Variants in POLG2 observed in about 807,000 individuals in gnomAD.
POLG2 encodes the protein DNA polymerase gamma 2, accessory subunit, also known as DNA polymerase subunit gamma-2.
A neutral mutation model predicts 56.5 loss-of-function variants in POLG2; 50 were observed. The observed-to-expected ratio is 0.88, with a 90% CI of 0.71 to 1.12. The LOEUF (loss-of-function observed/expected upper bound fraction) is 1.12, where lower values mean the gene tolerates loss of function less well. Ranked by LOEUF, POLG2 falls within the 50% of genes most tolerant of loss-of-function variation. The pLI is 0.00. For synonymous variants in POLG2, 226 were observed against 222.6 expected (o/e 1.02, Z -0.14); for missense variants, 584 against 583.3 (o/e 1.00, Z -0.01).
intron 4 of POLG2, among the ~76,000 whole-genome samples, chr17:64,488,211 T>A (rs1001264737): frequency 6.1e-5 from 9 of 148,510 alleles, no homozygotes; most frequent in East Asian, 2.0e-4. Flanking sequence ...TAAATAATTT[T>A]AAAAAAAGAA....
rs2038166544 is a variant in POLG2 at position 64,497,048 on chromosome 17, G to A, written c.-80C>T. ...CCACCACTACCGTTAACAGAATCCG[G>A]AGAGGCCACGGCGCAGGCGCAACGG... On this transcript the variant is annotated 5_prime_UTR_variant, in exon 1 of 8. Coordinates refer to ENST00000539111, the MANE Select transcript of POLG2 (RefSeq NM_007215.4). 1.4e-6 allele frequency: 2 copies of A among 1,419,376 alleles called. No individual in the cohort carries two copies. The highest frequency in any genetic ancestry group is 2.0e-6 in the Non-Finnish European group (2 of 1,018,936). The allele number at this position is 1,419,376 out of a possible 1,614,324, so 87.9% of individuals were successfully genotyped here.
In POLG2 at chr17:64,483,252, G is replaced by T. The variant is rs535171118; in HGVS notation, c.1111-253C>A. 3.9e-5 allele frequency among the ~76,000 whole-genome samples: 6 copies of T among 152,264 alleles called. No individual in the cohort carries two copies. In the South Asian group the frequency reaches 1.2e-3, roughly 32 times the overall value. ...AATTTGGCCAGGCATGGTGGTACATGCCTATAATTCCAGCACTTTGGGAGG... is the reference window on the plus strand; with the variant it reads ...AATTTGGCCAGGCATGGTGGTACATTCCTATAATTCCAGCACTTTGGGAGG... On this transcript the variant is annotated intron_variant, in intron 5 of 7. Transcript: ENST00000539111.
At chr17:64,494,581 C>T (rs1342821327) in intron 1 of POLG2, among the ~76,000 whole-genome samples, 1 of 152,062 alleles carries the variant, frequency 6.6e-6, no homozygotes, top group African/African-American at 2.4e-5. Context: ...ACCTCTTCCC[C>T]CCGCCCCCGA....
chr17:64,492,944 A>G lies in POLG2; in HGVS notation c.640T>C (p.Cys214Arg), dbSNP rs1568090674. ...LPYGLAQIGV[C>R]FHPVFDTKQI... ...TTAGTGTCAAAAACAGGATGAAAAC[A>G]CACTCCAATCTGAGCAAGGCCATAA... The change falls in exon 2 of 8, where the codon TGT (cysteine) becomes CGT (arginine). Residue 214 changes from cysteine (C) to arginine (R), a missense_variant. Transcript: ENST00000539111. 1 of 1,614,132 alleles carries G rather than the reference A, an allele frequency of 6.2e-7. No homozygotes were observed. Among genetic ancestry groups the G allele is most frequent in the Non-Finnish European group, 8.5e-7 (1 of 1,179,950 alleles).
intron 1 of POLG2, 70 bp downstream of exon 1, chr17:64,496,337 C>G: frequency 2.0e-6 from 2 of 1,024,008 alleles, no homozygotes; most frequent in Non-Finnish European, 2.9e-6. Context: ...TTGCAATCCC[C>G]AAGATCCAGC....
In POLG2 at chr17:64,496,759, T is replaced by C; in HGVS notation, c.210A>G (p.Leu70=). 6.2e-7 allele frequency: 1 copy of C among 1,613,962 alleles called. No homozygotes were observed. The highest frequency in any genetic ancestry group is 8.5e-7 in the Non-Finnish European group (1 of 1,179,988). ...PGSGEGSEAL[L]EICQRRHFLS... is the part of the protein sequence containing the mutation. ...GGAAATGCCTTCTCTGACAGATCTC[T>C]AACAGCGCCTCGCTTCCCTCTCCAG... Residue 70 remains leucine (L), a synonymous_variant, in exon 1 of 8, where the codon TTA becomes TTG. Transcript: ENST00000539111.
At chr17:64,478,220 A>G (rs2037799759) in intron 7 of POLG2, among the ~76,000 whole-genome samples, 1 of 152,218 alleles carries the variant, frequency 6.6e-6, no homozygotes, top group Non-Finnish European at 1.5e-5. Flanking sequence ...AGAAAATAAA[A>G]TCTGAGAATA....
chr17:64,490,415 C>T (rs953440535), intron 4 of POLG2: 28 of 249,190 alleles, frequency 1.1e-4, no homozygotes, highest in Non-Finnish European at 2.2e-4. Context: ...AAACAGCAGA[C>T]AGATCCCAGC....
intron 1 of POLG2, 56 bp downstream of exon 1, chr17:64,496,351 A>G: frequency 2.6e-6 from 3 of 1,155,856 alleles, no homozygotes; most frequent in South Asian, 2.9e-5. Flanking sequence ...ATCCAGCAAG[A>G]CTGCCTCGCC....
intron 3 of POLG2, chr17:64,491,420 C>A: frequency 1.4e-6 from 1 of 725,892 alleles, no homozygotes; most frequent in Non-Finnish European, 2.2e-6. Context: ...CAGAGCAAGA[C>A]TTCATCTCTA....
At chr17:64,491,997 G>A (rs2038069692) in intron 3 of POLG2, among the ~76,000 whole-genome samples, 1 of 150,888 alleles carries the variant, frequency 6.6e-6, no homozygotes, top group Admixed American at 6.6e-5. Context: ...TGAAAATACT[G>A]AGTATATTGC....
chr17:64,488,312 A>C (rs1244264573), intron 4 of POLG2, among the ~76,000 whole-genome samples: 1 of 152,250 alleles, frequency 6.6e-6, no homozygotes, highest in Non-Finnish European at 1.5e-5. Context: ...ATGATAAATA[A>C]TTTTGTGAAC....
In POLG2 at chr17:64,490,559, T is replaced by A. The variant is rs192564637; in HGVS notation, c.969+237A>T. ...CATGAAAGACAAGATCTTGGACCTATAAATGCCATTATTGAGATAATCAGT... is the reference window on the plus strand; with the variant it reads ...CATGAAAGACAAGATCTTGGACCTAAAAATGCCATTATTGAGATAATCAGT... On this transcript the variant is annotated intron_variant, in intron 4 of 7. Transcript: ENST00000539111. 9.0e-4 allele frequency: 463 copies of A among 514,712 alleles called. 3 individuals are homozygous for A. The East Asian group carries it at 0.014, about 15-fold the overall frequency. 31.9% of individuals were successfully genotyped at this position (514,712 alleles called of 1,614,324 possible).
At chr17:64,480,811 G>T (rs1205988404) in intron 6 of POLG2, among the ~76,000 whole-genome samples, 1 of 152,212 alleles carries the variant, frequency 6.6e-6, no homozygotes, top group South Asian at 2.1e-4. Flanking sequence ...AGGCAGAAGA[G>T]CCAGGAAAGA....
intron 5 of POLG2, among the ~76,000 whole-genome samples, chr17:64,483,514 A>G (rs1243622797): frequency 2.0e-5 from 2 of 98,334 alleles, no homozygotes; most frequent in Non-Finnish European, 3.4e-5. Context: ...ATCCTGTCTC[A>G]AAAAAAAAAA....
In POLG2 at chr17:64,496,793, G is replaced by T. The variant is rs1169327234; in HGVS notation, c.176C>A (p.Ala59Asp). Residue 59 changes from alanine to aspartate, a missense_variant, in exon 1 of 8, where the codon GCC becomes GAC. Ala to Asp is a moderately radical substitution (Grantham distance 126). Coordinates refer to ENST00000539111, the MANE Select transcript of POLG2 (RefSeq NM_007215.4). The part of the protein sequence containing the change: ...ELEGNGEHPE[A>D]PGSGEGSEAL... ...CTCGCTTCCCTCTCCAGACCCGGGG[G>T]CTTCTGGGTGCTCGCCGTTCCCCTC... 6.2e-7 allele frequency: 1 copy of T among 1,613,666 alleles called. No homozygotes were observed. Among genetic ancestry groups the T allele is most frequent in the Admixed American group, 1.7e-5 (1 of 59,998 alleles).
At chr17:64,485,445 C>T (rs2037933998) in intron 5 of POLG2, 1 of 395,754 alleles carries the variant, frequency 2.5e-6, no homozygotes, top group African/African-American at 2.1e-5. Context: ...AATGGAAGCC[C>T]ACAGTGGAAA....
intron 5 of POLG2, among the ~76,000 whole-genome samples, chr17:64,483,253 C>T (rs1194219640): frequency 1.3e-5 from 2 of 152,104 alleles, no homozygotes; most frequent in African/African-American, 4.8e-5. Context: ...GTGGTACATG[C>T]CTATAATTCC....
chr17:64,480,827 G>C (rs576008068), intron 6 of POLG2, among the ~76,000 whole-genome samples: 1 of 152,106 alleles, frequency 6.6e-6, no homozygotes, highest in Admixed American at 6.6e-5. Context: ...AAAGAAAAAG[G>C]ATGAGAAAAA....
Sources: gnomAD v4.1 joint callset for allele counts (sites outside exome capture counted in the v4.1 genomes callset) on GRCh38, gnomAD v4.1.1 for gene constraint, MANE v1.5 for transcripts, NCBI Gene and HGNC (gene_info 2026-07-23, HGNC 2026-07-21) for gene names.